The following B4GALT2 variants were observed in gnomAD, a reference collection of about 807,000 sequenced individuals.
B4GALT2 encodes N-acetyllactosamine synthase.
A neutral mutation model predicts 33.2 loss-of-function variants in B4GALT2; 18 were observed. That is an observed-to-expected ratio of 0.54 (90% confidence interval 0.38 to 0.80). The LOEUF (loss-of-function observed/expected upper bound fraction) is 0.80. Among genes scored for constraint, B4GALT2 ranks in the 30% least tolerant of loss-of-function variants. The pLI, the probability that B4GALT2 is intolerant of heterozygous loss-of-function variation, is 0.00. For synonymous variants in B4GALT2, 214 were observed against 217.6 expected (o/e 0.98, Z 0.15); for missense variants, 404 against 526.2 (o/e 0.77, Z 2.27).
chr1:43,990,523 C>A lies in B4GALT2; in HGVS notation c.*75C>A. ...GACCACAGCCTGGCTGGCAGCTGCT[C>A]TGTGGAGGACCTCCAGGACTGAGAC... On this transcript the variant is annotated 3_prime_UTR_variant, in exon 7 of 7. Transcript: ENST00000372324. 6.3e-7 allele frequency: 1 copy of A among 1,575,246 alleles called. No homozygotes were observed. Among genetic ancestry groups the A allele is most frequent in the African/African-American group, 1.3e-5 (1 of 74,212 alleles).
At chr1:43,983,695 G>T (rs2085625555) in intron 3 of B4GALT2, among the ~76,000 whole-genome samples, 1 of 152,216 alleles carries the variant, frequency 6.6e-6, no homozygotes, top group Non-Finnish European at 1.5e-5. Flanking sequence ...TGTTTTTTCA[G>T]TTGGGAGAGG....
In B4GALT2 at chr1:43,985,001, G is replaced by T; in HGVS notation, c.686G>T (p.Arg229Leu). The T allele has an allele frequency of 6.2e-7, 1 of 1,613,122 alleles. No individual in the cohort carries two copies. The highest frequency in any genetic ancestry group is 8.5e-7 in the Non-Finnish European group (1 of 1,179,944). The change falls in exon 4 of 7, where the codon CGC becomes CTC. Residue 229 changes from arginine to leucine, a missense_variant. Transcript: ENST00000372324. Reference sequence around the variant, plus strand: ...CCCATGGATGACCGCAACCTATACCGCTGCGGCGACCAACCCCGCCACTTT... The same window carrying T: ...CCCATGGATGACCGCAACCTATACCTCTGCGGCGACCAACCCCGCCACTTT... ...LVPMDDRNLY[R>L]CGDQPRHFAI...
intron 6 of B4GALT2, chr1:43,985,835 G>C: frequency 1.7e-6 from 1 of 598,724 alleles, no homozygotes; most frequent in Non-Finnish European, 3.0e-6. Flanking sequence ...CCAACCCCCA[G>C]CCCAGCCTCA....
intron 3 of B4GALT2, among the ~76,000 whole-genome samples, chr1:43,983,624 T>TA (rs994025356): frequency 1.3e-4 from 19 of 151,914 alleles, no homozygotes; most frequent in African/African-American, 3.1e-4. Context: ...GACAACTCTT[T>TA]AAAAAAAAAT....
intron 6 of B4GALT2, among the ~76,000 whole-genome samples, chr1:43,987,257 A>G (rs901800724): frequency 2.0e-5 from 3 of 152,010 alleles, no homozygotes; most frequent in Non-Finnish European, 4.4e-5. Flanking sequence ...GCAAGATAGC[A>G]AGAAGTTTCT....
intron 5 of B4GALT2, 51 bp from the exon 6 acceptor site, chr1:43,985,466 G>GTTTT: frequency 6.7e-7 from 1 of 1,496,946 alleles, no homozygotes; most frequent in Non-Finnish European, 9.2e-7. Context: ...ACTGGGTGGG[G>GTTTT]TTCTTTGCCC....
At chr1:43,983,241 C>G (rs1303383607) in intron 3 of B4GALT2, among the ~76,000 whole-genome samples, 1 of 152,124 alleles carries the variant, frequency 6.6e-6, no homozygotes, top group African/African-American at 2.4e-5. Context: ...AGGATGAAGA[C>G]GGTCTGGTCC....
At chr1:43,985,237 C>A in intron 4 of B4GALT2, 41 bp from the exon 5 acceptor site, 1 of 1,588,244 alleles carries the variant, frequency 6.3e-7, no homozygotes, top group Non-Finnish European at 8.6e-7. Flanking sequence ...CCCTGGAGTC[C>A]CCTTGGGACC....
intron 1 of B4GALT2, chr1:43,980,210 G>T (rs1233731717): frequency 2.6e-6 from 2 of 771,618 alleles, no homozygotes; most frequent in South Asian, 2.3e-5. Context: ...AGTGGCTGCC[G>T]CTCTCTTGGA....
At position 43,982,088 on chromosome 1, in the gene B4GALT2, G is replaced by A. The variant is rs1383725056; in HGVS notation, c.549+164G>A. Among the ~76,000 whole-genome samples, 2 of 152,228 alleles carry A rather than the reference G, an allele frequency of 1.3e-5. No homozygotes were observed. Among genetic ancestry groups the A allele is most frequent in the African/African-American group, 2.4e-5 (1 of 41,452 alleles). Reference sequence around the variant, plus strand: ...GTACGCACAGTGTGTGCATGTGAATGTTGGCATGCACACTGGCAGGTGTGT... The same window carrying A: ...GTACGCACAGTGTGTGCATGTGAATATTGGCATGCACACTGGCAGGTGTGT... On this transcript the variant is annotated intron_variant, in intron 3 of 6. Coordinates refer to ENST00000372324, the MANE Select transcript of B4GALT2 (RefSeq NM_003780.5). The surrounding 1 kb of genome is among the most constrained non-coding windows in gnomAD (Gnocchi z 4.3).
chr1:43,983,635 C>T (rs541426050), intron 3 of B4GALT2, among the ~76,000 whole-genome samples: 47 of 152,234 alleles, frequency 3.1e-4, no homozygotes, highest in African/African-American at 1.0e-3. Context: ...AAAAAAAAAT[C>T]CCTGCTGAGA....
rs2085637587 is a variant in B4GALT2 at position 43,984,864 on chromosome 1, G to C, written c.550-1G>C. ...GTTGACCTGCTCCTCCCCCTACCCA[G>C]CATGGTGAGGACACCTTCAACCGGG... On this transcript the variant is annotated splice_acceptor_variant, in intron 3 of 6. Coordinates refer to ENST00000372324, the MANE Select transcript of B4GALT2 (RefSeq NM_003780.5). LOFTEE classifies it high-confidence loss of function. The surrounding 1 kb of genome is among the most constrained non-coding windows in gnomAD (Gnocchi z 5.6). 6.2e-7 allele frequency: 1 copy of C among 1,613,034 alleles called. No individual in the cohort carries two copies. Among genetic ancestry groups the C allele is most frequent in the Non-Finnish European group, 8.5e-7 (1 of 1,179,552 alleles).
At chr1:43,980,865 G>A (rs1052331004) in intron 1 of B4GALT2, among the ~76,000 whole-genome samples, 1 of 152,200 alleles carries the variant, frequency 6.6e-6, no homozygotes, top group Non-Finnish European at 1.5e-5. Context: ...CAGTGAGGTG[G>A]AGGAAGGTAA....
rs776860311 is a variant in B4GALT2 at position 43,984,855 on chromosome 1, C to G, written c.550-10C>G. 3 of 1,612,284 alleles carry G rather than the reference C, an allele frequency of 1.9e-6. No individual in the cohort carries two copies. The highest frequency in any genetic ancestry group is 2.2e-5 in the East Asian group (1 of 44,826). ...AGGCCCAGGGTTGACCTGCTCCTCCCCCTACCCAGCATGGTGAGGACACCT... is the reference window on the plus strand; with the variant it reads ...AGGCCCAGGGTTGACCTGCTCCTCCGCCTACCCAGCATGGTGAGGACACCT... On this transcript the variant is annotated splice_polypyrimidine_tract_variant and intron_variant, in intron 3 of 6. Transcript: ENST00000372324. This position sits in a 1 kb window ranked among gnomAD's most constrained non-coding sequence, Gnocchi z 5.6.
At position 43,990,370 on chromosome 1, in the gene B4GALT2, G is replaced by A; in HGVS notation, c.1041G>A (p.Leu347=). The change falls in exon 7 of 7, where the codon TTG becomes TTA. Residue 347 remains leucine (L), a synonymous_variant. Transcript: ENST00000372324. ...TTGGGTCAGTGCGGTACCAGGTCTT[G>A]GAGGTGTCTCGGCAACCACTCTTCA... ...DGIGSVRYQV[L]EVSRQPLFTN... 1 of 1,614,190 alleles carries A rather than the reference G, an allele frequency of 6.2e-7. No individual in the cohort carries two copies. The highest frequency in any genetic ancestry group is 1.7e-5 in the Admixed American group (1 of 60,028).
In B4GALT2 at chr1:43,990,538, A is replaced by C. The variant is rs1408639630; in HGVS notation, c.*90A>C. 1 of 1,539,206 alleles carries C rather than the reference A, an allele frequency of 6.5e-7. No individual in the cohort carries two copies. Among genetic ancestry groups the C allele is most frequent in the Admixed American group, 1.7e-5 (1 of 57,954 alleles). The stretch of plus-strand genomic sequence containing the variant: ...GGCAGCTGCTCTGTGGAGGACCTCC[A>C]GGACTGAGACTGGGCTCTGTTTTCC... On this transcript the variant is annotated 3_prime_UTR_variant, in exon 7 of 7. Transcript: ENST00000372324.
chr1:43,981,005 TGAG>T lies in B4GALT2; in HGVS notation c.-52-102_-52-100del. 1 of 1,394,050 alleles carries T rather than the reference TGAG, an allele frequency of 7.2e-7. No homozygotes were observed. The highest frequency in any genetic ancestry group is 9.5e-7 in the Non-Finnish European group (1 of 1,055,440). 86.4% of individuals were successfully genotyped at this position (1,394,050 alleles called of 1,614,324 possible). On this transcript the variant is annotated intron_variant, in intron 1 of 6. Transcript: ENST00000372324. The surrounding 1 kb of genome is among the most constrained non-coding windows in gnomAD (Gnocchi z 8.1). The stretch of plus-strand genomic sequence containing the variant: ...GTGAAAGGGTATGAGCAGGTCAGTG[TGAG>T]GTGTGGCCCACGAGTGTGAGCAGCT...
chr1:43,989,183 C>T (rs1357603142), intron 6 of B4GALT2, among the ~76,000 whole-genome samples: 1 of 151,930 alleles, frequency 6.6e-6, no homozygotes, highest in Non-Finnish European at 1.5e-5. Context: ...CCCATCTCTA[C>T]TAAAAATACA....
intron 6 of B4GALT2, chr1:43,986,329 C>T (rs993566707): frequency 6.6e-6 from 1 of 152,278 alleles, no homozygotes; most frequent in Non-Finnish European, 1.5e-5. Flanking sequence ...AGTTATAGCA[C>T]AAGGTCATCA....
Sources: allele counts gnomAD v4.1 joint callset (sites outside exome capture counted in the v4.1 genomes callset), GRCh38; gene constraint gnomAD v4.1.1; non-coding constraint Gnocchi (gnomAD v3.1); transcripts MANE v1.5; gene names NCBI Gene and HGNC (gene_info 2026-07-23, HGNC 2026-07-21).